The following SERPINE3 variants were observed in gnomAD, a reference collection of about 807,000 sequenced individuals.
SERPINE3 encodes the protein serpin family E member 3, also known as serpin E3.
A neutral mutation model predicts 41.7 loss-of-function variants in SERPINE3; 43 were observed. That is an observed-to-expected ratio of 1.03 (90% CI 0.81 to 1.33). SERPINE3 has a LOEUF of 1.33. Ranked by LOEUF, SERPINE3 falls within the 40% of genes most tolerant of loss-of-function variation. The pLI is 0.00. For synonymous variants in SERPINE3, 200 were observed against 192.2 expected (o/e 1.04, Z -0.34); for missense variants, 440 against 491.7 (o/e 0.89, Z 0.99).
chr13:51,363,460 G>A (rs773565442), intron 9 of SERPINE3: 2 of 151,468 alleles, frequency 1.3e-5, no homozygotes, highest in Non-Finnish European at 1.5e-5. Context: ...ATCTTACTAA[G>A]AGCAACTAAT....
chr13:51,347,377 A>G lies in SERPINE3; in HGVS notation c.700+143A>G, dbSNP rs148332011. 2.7e-3 allele frequency: 1,926 copies of G among 708,860 alleles called. 23 individuals carry two copies. In the African/African-American group the frequency reaches 0.029, roughly 11 times the overall value. The allele number at this position is 708,860 out of a possible 1,614,324, so 43.9% of individuals were successfully genotyped here. A position where few individuals can be genotyped will look rare whatever the true frequency, so the allele number is the denominator to read the frequency against. ...CTGCTGGACTGGGCATGCATGGCGG[A>G]AGGAAAGACTAAGGTGCCCGGAGAC... On this transcript the variant is annotated intron_variant, in intron 5 of 9. Transcript: ENST00000681248.
intron 6 of SERPINE3, among the ~76,000 whole-genome samples, chr13:51,351,312 T>C (rs532780440): frequency 3.0e-4 from 45 of 152,314 alleles, no homozygotes; most frequent in South Asian, 8.3e-4. Context: ...TCAACACTTG[T>C]TAATGACCAT....
At chr13:51,361,724 T>TA in intron 8 of SERPINE3, 86 bp from the exon 9 acceptor site, 1 of 1,238,744 alleles carries the variant, frequency 8.1e-7, no homozygotes, top group Non-Finnish European at 1.1e-6. Flanking sequence ...TTTGATTTCT[T>TA]AAAAAATTAA....
chr13:51,347,264 A>G (rs1197916356), intron 5 of SERPINE3, 30 bp downstream of exon 5: 3 of 1,595,466 alleles, frequency 1.9e-6, no homozygotes, highest in African/African-American at 2.7e-5. Context: ...GTTTGTCTAA[A>G]GGGAGAGGAA....
At chr13:51,357,113 C>T (rs113185912) in intron 7 of SERPINE3, among the ~76,000 whole-genome samples, 1,710 of 152,270 alleles carry the variant, frequency 0.011, 25 homozygotes, top group East Asian at 0.07. Flanking sequence ...GAGACAGACA[C>T]CATATGGCTT....
chr13:51,355,977 G>A (rs900675863), intron 7 of SERPINE3, among the ~76,000 whole-genome samples: 24 of 152,116 alleles, frequency 1.6e-4, no homozygotes, highest in African/African-American at 5.3e-4. Flanking sequence ...TCATAATGTG[G>A]ACTTTTCTAA....
At chr13:51,356,356 G>A (rs1386263456) in intron 7 of SERPINE3, among the ~76,000 whole-genome samples, 1 of 152,056 alleles carries the variant, frequency 6.6e-6, no homozygotes, top group Non-Finnish European at 1.5e-5. Context: ...TGAAAAGATT[G>A]GAGGGCAAGG....
intron 3 of SERPINE3, among the ~76,000 whole-genome samples, chr13:51,342,178 CAAAAAAAAAAAA>C (rs869298134): frequency 9.4e-5 from 6 of 63,582 alleles, no homozygotes; most frequent in South Asian, 6.3e-4. Context: ...AAAGACAGAA[CAAAAAAAAAAAA>C]AAAAAAAAAA....
At position 51,359,723 on chromosome 13, in the gene SERPINE3, T is replaced by C. The variant is rs1211891681; in HGVS notation, c.1001-1555T>C. Among the ~76,000 whole-genome samples, 8 of 152,246 alleles carry C rather than the reference T, an allele frequency of 5.3e-5. No individual in the cohort carries two copies. In the East Asian group the frequency reaches 1.5e-3, roughly 29 times the overall value. ...TAAAATGTTCAGACACCATCCTATATAGTCATGAAGTCTCGGAGATTAGTA... is the reference window on the plus strand; with the variant it reads ...TAAAATGTTCAGACACCATCCTATACAGTCATGAAGTCTCGGAGATTAGTA... On this transcript the variant is annotated intron_variant, in intron 7 of 9. Transcript: ENST00000681248.
At chr13:51,342,108 A>G (rs1566190763) in intron 3 of SERPINE3, among the ~76,000 whole-genome samples, 1 of 151,694 alleles carries the variant, frequency 6.6e-6, no homozygotes, top group Non-Finnish European at 1.5e-5. Flanking sequence ...AACTCCAGCT[A>G]AAACAGATAC....
chr13:51,349,955 T>C (rs182263407), intron 6 of SERPINE3, among the ~76,000 whole-genome samples: 1 of 152,296 alleles, frequency 6.6e-6, no homozygotes, highest in African/African-American at 2.4e-5. Flanking sequence ...TTAAATCCTT[T>C]GGGGAACAAA....
Position 51,341,247 on chromosome 13 carries a change from C to G in SERPINE3, c.156C>G (p.Ile52Met), listed in dbSNP as rs767966234. The change falls in exon 3 of 10, where the codon ATC becomes ATG. Residue 52 changes from isoleucine to methionine, a missense_variant. By Grantham distance (10) the Ile-to-Met change is conservative. Coordinates refer to ENST00000681248, the MANE Select transcript of SERPINE3 (RefSeq NM_001386375.1). ...AACRNETNFVISPAGVSLPLE... is the reference protein window; with the variant it reads ...AACRNETNFVMSPAGVSLPLE... ...GTAGAAATGAGACGAACTTTGTCATCTCTCCTGCTGGTGTGTCCCTCCCCC... is the reference window on the plus strand; with the variant it reads ...GTAGAAATGAGACGAACTTTGTCATGTCTCCTGCTGGTGTGTCCCTCCCCC... 1 of 1,614,024 alleles carries G rather than the reference C, an allele frequency of 6.2e-7. No individual in the cohort carries two copies. Among genetic ancestry groups the G allele is most frequent in the Non-Finnish European group, 8.5e-7 (1 of 1,179,884 alleles).
intron 4 of SERPINE3, among the ~76,000 whole-genome samples, chr13:51,345,365 C>T (rs902831638): frequency 2.8e-4 from 42 of 152,008 alleles, no homozygotes; most frequent in African/African-American, 9.7e-4. Context: ...GATGCCAAGG[C>T]GGGCAGATCA....
chr13:51,352,179 A>C (rs1337736307), intron 6 of SERPINE3, among the ~76,000 whole-genome samples: 1 of 152,116 alleles, frequency 6.6e-6, no homozygotes, highest in Non-Finnish European at 1.5e-5. Context: ...ATTGTGTTGA[A>C]TCTGCAGATC....
intron 3 of SERPINE3, among the ~76,000 whole-genome samples, chr13:51,343,350 T>C (rs1469485267): frequency 6.6e-6 from 1 of 152,172 alleles, no homozygotes. Context: ...ATGAGAAGCT[T>C]GGGGTACGCC....
rs200319209 is a variant in SERPINE3, at chr13:51,347,201, C to T, written c.667C>T (p.Pro223Ser). ...TGCCTATGGCCTCGTCCTTCAGGTC[C>T]CCATGATGCACCAAACGACCGAGGT... Reference protein sequence around the residue: ...TCAYGLVLQVPMMHQTTEVNY... With the variant: ...TCAYGLVLQVSMMHQTTEVNY... The change falls in exon 5 of 10, where the codon CCC (proline) becomes TCC (serine). Residue 223 changes from proline (P) to serine (S), a missense_variant. By Grantham distance (74) the Pro-to-Ser change is moderately conservative (BLOSUM62 -1). Transcript: ENST00000681248. 6.2e-7 allele frequency: 1 copy of T among 1,613,852 alleles called. No individual in the cohort carries two copies. Among genetic ancestry groups the T allele is most frequent in the Admixed American group, 1.7e-5 (1 of 60,004 alleles).
Position 51,340,975 on chromosome 13 carries a change from C to A in SERPINE3, c.-17-100C>A, listed in dbSNP as rs1008010797. 4.2e-6 allele frequency: 5 copies of A among 1,200,292 alleles called. No individual in the cohort carries two copies. The East Asian group carries it at 9.4e-5, about 23-fold the overall frequency. 74.4% of individuals were successfully genotyped at this position (1,200,292 alleles called of 1,614,324 possible). On this transcript the variant is annotated intron_variant, in intron 2 of 9. Transcript: ENST00000681248. ...CATCTCTCCCTCAGCCGTCCCTAGC[C>A]CCTAAAAACAGAGCTGGGGGTCCCA...
intron 3 of SERPINE3, among the ~76,000 whole-genome samples, chr13:51,343,738 T>C (rs191778434): frequency 7.2e-5 from 11 of 152,342 alleles, no homozygotes; most frequent in Admixed American, 6.5e-4. Flanking sequence ...TTACTCAGGC[T>C]CATGACACGC....
At chr13:51,356,705 C>T (rs1483852310) in intron 7 of SERPINE3, among the ~76,000 whole-genome samples, 1 of 152,072 alleles carries the variant, frequency 6.6e-6, no homozygotes, top group Non-Finnish European at 1.5e-5. Context: ...TTGGTAAAGG[C>T]TTCCAAGGTC....
Sources: gnomAD v4.1 joint callset for allele counts (sites outside exome capture counted in the v4.1 genomes callset) on GRCh38, gnomAD v4.1.1 for gene constraint, MANE v1.5 for transcripts, NCBI Gene and HGNC (gene_info 2026-07-23, HGNC 2026-07-21) for gene names.